Variants in HSPA12A observed in about 807,000 individuals in gnomAD.
HSPA12A encodes heat shock 70 kDa protein 12A.
Under a neutral mutation model 69.2 loss-of-function variants are expected in HSPA12A, and 28 were observed. That is an observed-to-expected ratio of 0.40 (90% CI 0.30 to 0.55). HSPA12A has a LOEUF of 0.55. Among genes scored for constraint, HSPA12A ranks in the 20% least tolerant of loss-of-function variants. The pLI, the probability that HSPA12A is intolerant of heterozygous loss-of-function variation, is 0.38. For synonymous variants in HSPA12A, 345 were observed against 370.5 expected (o/e 0.93, Z 0.79); for missense variants, 686 against 900.7 (o/e 0.76, Z 3.05).
intron 1 of HSPA12A, among the ~76,000 whole-genome samples, chr10:116,841,531 C>T (rs965679646): frequency 1.3e-5 from 2 of 152,242 alleles, no homozygotes; most frequent in East Asian, 3.9e-4. Context: ...TATTTTTTAA[C>T]ATCTGGTATA....
rs1334148261 is a variant in HSPA12A, at chr10:116,687,364, GC to G, written c.664-3403del. On this transcript the variant is annotated intron_variant, in intron 6 of 11. Transcript: ENST00000369209. ...CATGGGCCCAGGCAGTGTCTGGGAG[GC>G]CTCGGACAAAGTAACCACACTTCTT... 2.6e-5 allele frequency among the ~76,000 whole-genome samples: 4 copies of G among 152,152 alleles called. No homozygotes were observed. In the East Asian group the frequency reaches 7.7e-4, roughly 29 times the overall value.
intron 2 of HSPA12A, chr10:116,750,496 C>A: frequency 2.0e-6 from 1 of 493,404 alleles, no homozygotes; most frequent in East Asian, 3.8e-5. Flanking sequence ...GAAAGCACAT[C>A]ATCAGTCAGA....
intron 6 of HSPA12A, among the ~76,000 whole-genome samples, chr10:116,691,178 T>C (rs1316469139): frequency 6.6e-6 from 1 of 152,134 alleles, no homozygotes; most frequent in Non-Finnish European, 1.5e-5. Flanking sequence ...ATTCTCACAC[T>C]GCAAGGAGGC....
At chr10:116,721,519 A>C (rs1263860323) in intron 1 of HSPA12A, among the ~76,000 whole-genome samples, 1 of 152,196 alleles carries the variant, frequency 6.6e-6, no homozygotes, top group East Asian at 1.9e-4. Flanking sequence ...CTGACCATTA[A>C]ATTTTGATGA....
chr10:116,742,297 G>A (rs1426412387), intron 1 of HSPA12A, 133 bp downstream of exon 1: 1 of 992,324 alleles, frequency 1.0e-6, no homozygotes, highest in Non-Finnish European at 1.3e-6. Context: ...GGCCCCGCCC[G>A]CCAGAACTGG....
rs144240762 is a variant in HSPA12A, at chr10:116,799,510, C to T, written c.91+35425G>A. 7.5e-3 allele frequency among the ~76,000 whole-genome samples: 1,135 copies of T among 152,294 alleles called. 14 individuals are homozygous for T. Among genetic ancestry groups the T allele is most frequent in the African/African-American group, 0.026 (1,082 of 41,558 alleles). On this transcript the variant is annotated intron_variant, in intron 2 of 12. Transcript: ENST00000635765. The stretch of plus-strand genomic sequence containing the variant: ...ACACAAATGTGCACACACACGCACA[C>T]GCACACTCATGCGCACAGACACAAT...
At chr10:116,780,596 G>T (rs1554891713) in intron 2 of HSPA12A, among the ~76,000 whole-genome samples, 1 of 151,888 alleles carries the variant, frequency 6.6e-6, no homozygotes, top group Non-Finnish European at 1.5e-5. Flanking sequence ...ACCCAGACTG[G>T]AAAATAATGT....
intron 2 of HSPA12A, among the ~76,000 whole-genome samples, chr10:116,825,939 C>T (rs185513391): frequency 1.3e-5 from 2 of 152,286 alleles, no homozygotes; most frequent in Admixed American, 1.3e-4. Flanking sequence ...TGTGAAACCA[C>T]ATCCTAGGCA....
intron 2 of HSPA12A, among the ~76,000 whole-genome samples, chr10:116,799,650 T>C (rs1844913560): frequency 6.6e-6 from 1 of 152,238 alleles, no homozygotes; most frequent in Non-Finnish European, 1.5e-5. Context: ...CATGCTGCCC[T>C]GGCCTCCAGA....
At chr10:116,735,922 A>G (rs1851303360) in intron 1 of HSPA12A, among the ~76,000 whole-genome samples, 1 of 151,914 alleles carries the variant, frequency 6.6e-6, no homozygotes, top group Admixed American at 6.6e-5. Flanking sequence ...GTTTCAGCCC[A>G]GGAAGCAGAG....
At position 116,723,199 on chromosome 10, in the gene HSPA12A, CT is replaced by C; in HGVS notation, c.41-15915del. ...ACCAATCAGATACCTCCATTACCCC[CT>C]AACCATTGCCCCCCCATCATTCCTG... On this transcript the variant is annotated intron_variant, in intron 1 of 11. Transcript: ENST00000369209. This position sits in a 1 kb window ranked among gnomAD's most constrained non-coding sequence, Gnocchi z 4.1. Among the ~76,000 whole-genome samples, 1 of 152,052 alleles carries C rather than the reference CT, an allele frequency of 6.6e-6. No homozygotes were observed. The highest frequency in any genetic ancestry group is 2.1e-4 in the South Asian group (1 of 4,810).
At chr10:116,694,740 G>A (rs976847749) in intron 5 of HSPA12A, among the ~76,000 whole-genome samples, 22 of 152,216 alleles carry the variant, frequency 1.4e-4, no homozygotes, top group African/African-American at 4.8e-4. Context: ...ATCCTCACGT[G>A]GCCTCCTGGG....
chr10:116,757,158 G>C (rs1175772465), intron 2 of HSPA12A, among the ~76,000 whole-genome samples: 1 of 152,192 alleles, frequency 6.6e-6, no homozygotes, highest in African/African-American at 2.4e-5. Flanking sequence ...CCAAGCCACC[G>C]CTGCCACAGT....
At chr10:116,736,028 A>G (rs1184258332) in intron 1 of HSPA12A, among the ~76,000 whole-genome samples, 1 of 152,214 alleles carries the variant, frequency 6.6e-6, no homozygotes, top group Non-Finnish European at 1.5e-5. Flanking sequence ...CTATTGTTTT[A>G]ACCCATTAAA....
intron 2 of HSPA12A, among the ~76,000 whole-genome samples, chr10:116,705,628 C>T (rs1850219734): frequency 6.6e-6 from 1 of 152,256 alleles, no homozygotes; most frequent in South Asian, 2.1e-4. Flanking sequence ...AATCTTCTTC[C>T]AAGCCCTGCT....
chr10:116,695,620 T>A (rs555987188), intron 5 of HSPA12A, among the ~76,000 whole-genome samples: 1 of 152,076 alleles, frequency 6.6e-6, no homozygotes, highest in African/African-American at 2.4e-5. Flanking sequence ...ATCCAGACCA[T>A]CCTGGCTAAC....
intron 6 of HSPA12A, among the ~76,000 whole-genome samples, chr10:116,690,457 T>C (rs1264238709): frequency 6.6e-6 from 1 of 152,170 alleles, no homozygotes; most frequent in East Asian, 1.9e-4. Context: ...ACTCAGCGGC[T>C]GTCAATGGAA....
chr10:116,794,144 G>A (rs1266525982), intron 2 of HSPA12A, among the ~76,000 whole-genome samples: 2 of 152,110 alleles, frequency 1.3e-5, no homozygotes, highest in Non-Finnish European at 2.9e-5. Context: ...GGTGGAGCTT[G>A]CAGTGAGCCG....
chr10:116,732,628 G>A (rs1189321471), intron 1 of HSPA12A, among the ~76,000 whole-genome samples: 2 of 152,246 alleles, frequency 1.3e-5, no homozygotes, highest in Non-Finnish European at 1.5e-5. Flanking sequence ...AGCTGGGCCT[G>A]CGGCTCCACC....
Sources: allele counts gnomAD v4.1 joint callset (sites outside exome capture counted in the v4.1 genomes callset), GRCh38; gene constraint gnomAD v4.1.1; non-coding constraint Gnocchi (gnomAD v3.1); transcripts MANE v1.5; gene names NCBI Gene and HGNC (gene_info 2026-07-23, HGNC 2026-07-21).